TAFA4: variants seen among roughly 807,000 people sequenced by gnomAD.
The protein encoded by TAFA4 is TAFA chemokine like family member 4, also known as chemokine-like protein TAFA-4.
In TAFA4, 20 loss-of-function variants were observed where a neutral mutation model predicts 21.1. That is an observed-to-expected ratio of 0.95 (90% CI 0.67 to 1.38). The LOEUF (loss-of-function observed/expected upper bound fraction) is 1.38. TAFA4 is among the 40% of genes most tolerant of loss of function. The pLI, the probability that TAFA4 is intolerant of heterozygous loss-of-function variation, is 0.00. For missense variants in TAFA4, 211 were observed against 180.9 expected (o/e 1.17, Z -0.95); for synonymous variants, 71 against 67.4 (o/e 1.05, Z -0.26).
intron 1 of TAFA4, among the ~76,000 whole-genome samples, chr3:68,902,363 T>C (rs1054041307): frequency 1.3e-5 from 2 of 152,112 alleles, no homozygotes; most frequent in South Asian, 2.1e-4. Context: ...AGATAATACC[T>C]ATATCATTCA....
At chr3:68,913,763 A>G (rs1292519385) in intron 1 of TAFA4, 1 of 146,998 alleles carries the variant, frequency 6.8e-6, no homozygotes, top group Non-Finnish European at 1.5e-5. Flanking sequence ...GACAGTCTCA[A>G]TTAGAGACAG....
chr3:68,842,707 A>C (rs1047431154), intron 3 of TAFA4, among the ~76,000 whole-genome samples: 7 of 151,954 alleles, frequency 4.6e-5, no homozygotes, highest in African/African-American at 1.7e-4. Context: ...ATCCATCTTG[A>C]GTTAATTTTT....
At chr3:68,836,292 C>A (rs576899423) in intron 3 of TAFA4, among the ~76,000 whole-genome samples, 4 of 152,310 alleles carry the variant, frequency 2.6e-5, no homozygotes, top group African/African-American at 7.2e-5. Flanking sequence ...GTTTGCCAAA[C>A]CACAGCTTTA....
At chr3:68,836,532 A>G (rs1704526850) in intron 3 of TAFA4, among the ~76,000 whole-genome samples, 1 of 152,216 alleles carries the variant, frequency 6.6e-6, no homozygotes, top group African/African-American at 2.4e-5. Context: ...TTTTTGTAGA[A>G]AAATGCTATT....
At chr3:68,755,026 T>C (rs141217790) in intron 3 of TAFA4, among the ~76,000 whole-genome samples, 16 of 152,294 alleles carry the variant, frequency 1.1e-4, no homozygotes, top group Admixed American at 2.6e-4. Flanking sequence ...TCTCAATGTG[T>C]AGGTTTACTC....
chr3:68,810,351 G>C (rs1434233602), intron 3 of TAFA4, among the ~76,000 whole-genome samples: 2 of 152,132 alleles, frequency 1.3e-5, no homozygotes, highest in East Asian at 1.9e-4. Flanking sequence ...AGCGCACCAA[G>C]CATGAGCCGA....
At chr3:68,848,911 C>T (rs1704875203) in intron 3 of TAFA4, among the ~76,000 whole-genome samples, 1 of 148,402 alleles carries the variant, frequency 6.7e-6, no homozygotes, top group African/African-American at 2.5e-5. Flanking sequence ...CTTTGGAATA[C>T]TTCACCAAGG....
At chr3:68,930,691 A>G (rs2090150758) in intron 1 of TAFA4, among the ~76,000 whole-genome samples, 1 of 152,192 alleles carries the variant, frequency 6.6e-6, no homozygotes, top group South Asian at 2.1e-4. Context: ...CATTCGTCAT[A>G]ATGATTCTGA....
At chr3:68,747,008 A>T (rs1202408726) in intron 4 of TAFA4, among the ~76,000 whole-genome samples, 1 of 152,164 alleles carries the variant, frequency 6.6e-6, no homozygotes, top group Non-Finnish European at 1.5e-5. Context: ...AGACAATGTC[A>T]AATATCCCCA....
intron 3 of TAFA4, among the ~76,000 whole-genome samples, chr3:68,809,619 CA>C (rs931289106): frequency 3.3e-5 from 5 of 149,544 alleles, no homozygotes; most frequent in South Asian, 2.1e-4. Flanking sequence ...GGATCACAGC[CA>C]AAAAAAATTA....
intron 5 of TAFA4, among the ~76,000 whole-genome samples, chr3:68,734,922 T>C (rs1702212036): frequency 6.6e-6 from 1 of 152,106 alleles, no homozygotes; most frequent in African/African-American, 2.4e-5. Flanking sequence ...GCCCAGCTCA[T>C]TTTGGACAAC....
At chr3:68,858,639 G>A (rs1405618250) in intron 3 of TAFA4, among the ~76,000 whole-genome samples, 1 of 149,090 alleles carries the variant, frequency 6.7e-6, no homozygotes, top group East Asian at 2.0e-4. Flanking sequence ...TCACATAGAT[G>A]CAAGTGGAAT....
chr3:68,930,847 A>G (rs2090151783), intron 1 of TAFA4, among the ~76,000 whole-genome samples: 1 of 152,226 alleles, frequency 6.6e-6, no homozygotes, highest in East Asian at 1.9e-4. Context: ...TTCAAGTCAT[A>G]CATTTGTTCT....
At chr3:68,785,046 C>G (rs1264026149) in intron 3 of TAFA4, among the ~76,000 whole-genome samples, 1 of 151,722 alleles carries the variant, frequency 6.6e-6, no homozygotes, top group African/African-American at 2.4e-5. Flanking sequence ...CTGACCTAGA[C>G]ATAAAGGTTC....
chr3:68,863,072 A>G (rs1169414713), intron 3 of TAFA4, among the ~76,000 whole-genome samples: 2 of 136,508 alleles, frequency 1.5e-5, no homozygotes, highest in Non-Finnish European at 3.1e-5. Flanking sequence ...CATCTCTACA[A>G]AAAAAAAAAA....
chr3:68,817,041 A>G (rs896310522), intron 3 of TAFA4, among the ~76,000 whole-genome samples: 11 of 152,176 alleles, frequency 7.2e-5, no homozygotes, highest in African/African-American at 2.4e-4. Context: ...TGATGCATCA[A>G]TTAACTCTTT....
At chr3:68,799,857 C>G (rs1703537080) in intron 3 of TAFA4, among the ~76,000 whole-genome samples, 1 of 152,158 alleles carries the variant, frequency 6.6e-6, no homozygotes, top group South Asian at 2.1e-4. Context: ...AAAGCTTCAT[C>G]TGTATTTACA....
At chr3:68,745,956 T>TTAGTAGACAAGGAAAGGCAGACCCACCC (rs1437311093) in intron 4 of TAFA4, among the ~76,000 whole-genome samples, 14 of 152,222 alleles carry the variant, frequency 9.2e-5, no homozygotes, top group African/African-American at 3.4e-4. Context: ...AACATTTGAG[T>TTAGTAGACAAGGAAAGGCAGACCCACCC]TAGTAGACAA....
chr3:68,865,488 A>C (rs1233827155), intron 3 of TAFA4, among the ~76,000 whole-genome samples: 1 of 152,044 alleles, frequency 6.6e-6, no homozygotes, highest in Non-Finnish European at 1.5e-5. Context: ...TATAAAGGGC[A>C]GTTTCCTGGC....
Sources: allele counts gnomAD v4.1 joint callset (sites outside exome capture counted in the v4.1 genomes callset), GRCh38; gene constraint gnomAD v4.1.1; transcripts MANE v1.5; gene names NCBI Gene and HGNC (gene_info 2026-07-23, HGNC 2026-07-21).